The following PTPRD variants were observed in gnomAD, a reference collection of about 807,000 sequenced individuals.
PTPRD encodes the protein receptor-type tyrosine-protein phosphatase delta.
Under a neutral mutation model 214.5 loss-of-function variants are expected in PTPRD, and 34 were observed. That is an observed-to-expected ratio of 0.16 (90% CI 0.12 to 0.21). The LOEUF (loss-of-function observed/expected upper bound fraction) is 0.21, where lower values mean the gene tolerates loss of function less well. PTPRD is among the 10% of genes least tolerant of loss of function. The pLI is 1.00. For synonymous variants in PTPRD, 1,128 were observed against 845.7 expected, an observed-to-expected ratio of 1.33 and a Z score of -5.79; for missense variants, 2,545 against 2,398.7, an observed-to-expected ratio of 1.06 and a Z score of -1.27.
chr9:9,846,599 G>C (rs1323810220), intron 5 of PTPRD, among the ~76,000 whole-genome samples: 1 of 152,126 alleles, frequency 6.6e-6, no homozygotes, highest in Non-Finnish European at 1.5e-5. Context: ...TACCAGACGA[G>C]TTTGCAGCTA....
intron 4 of PTPRD, among the ~76,000 whole-genome samples, chr9:9,965,188 A>C (rs967687867): frequency 1.3e-5 from 2 of 152,184 alleles, no homozygotes; most frequent in African/African-American, 4.8e-5. Context: ...AGTTCTGGGA[A>C]TGCTAGAACC....
chr9:10,510,544 T>C (rs2047642002), intron 2 of PTPRD, among the ~76,000 whole-genome samples: 1 of 152,186 alleles, frequency 6.6e-6, no homozygotes, highest in South Asian at 2.1e-4. Flanking sequence ...CTTTTTTGTT[T>C]GCTTTGCTTT....
At chr9:8,772,817 T>C (rs1324615953) in intron 11 of PTPRD, among the ~76,000 whole-genome samples, 1 of 152,182 alleles carries the variant, frequency 6.6e-6, no homozygotes, top group Non-Finnish European at 1.5e-5. Context: ...CCAGATATTG[T>C]TAATTTTATT....
intron 11 of PTPRD, among the ~76,000 whole-genome samples, chr9:8,804,425 C>T (rs2096633093): frequency 6.7e-6 from 1 of 149,964 alleles, no homozygotes; most frequent in Admixed American, 6.7e-5. Context: ...TAAGAAGACT[C>T]CGTCTCTACA....
intron 3 of PTPRD, among the ~76,000 whole-genome samples, chr9:10,061,575 T>C (rs1222721479): frequency 6.6e-6 from 1 of 152,082 alleles, no homozygotes; most frequent in Non-Finnish European, 1.5e-5. Context: ...GAATCTTATA[T>C]TGTCTTCTAT....
intron 2 of PTPRD, among the ~76,000 whole-genome samples, chr9:10,385,362 T>A (rs1485325034): frequency 1.3e-5 from 2 of 151,806 alleles, no homozygotes; most frequent in African/African-American, 4.8e-5. Flanking sequence ...TCTTGTAGGC[T>A]TTAGCATGTA....
intron 3 of PTPRD, among the ~76,000 whole-genome samples, chr9:10,196,137 A>G (rs1295625571): frequency 2.0e-5 from 3 of 152,182 alleles, no homozygotes; most frequent in Admixed American, 2.0e-4. Flanking sequence ...AAAATCATTG[A>G]ACTTTAATGC....
intron 36 of PTPRD, 80 bp from the exon 37 acceptor site, chr9:8,389,487 C>T (rs2135681242): frequency 9.4e-7 from 1 of 1,069,200 alleles, no homozygotes. Flanking sequence ...AATGGCAGTG[C>T]TATCTTACTG....
At chr9:8,459,215 G>A (rs2096305246) in intron 33 of PTPRD, among the ~76,000 whole-genome samples, 1 of 151,992 alleles carries the variant, frequency 6.6e-6, no homozygotes, top group African/African-American at 2.4e-5. Flanking sequence ...AGAGTGAATG[G>A]AAATGAGATT....
rs938913835 is a variant in PTPRD at position 8,454,362 on chromosome 9, C to T, written c.3876-4525G>A. Among the ~76,000 whole-genome samples the T allele has an allele frequency of 5.3e-5, 8 of 152,166 alleles. No individual in the cohort carries two copies. The South Asian group carries it at 8.3e-4, about 16-fold the overall frequency. On this transcript the variant is annotated intron_variant, in intron 33 of 45. Coordinates refer to ENST00000381196, the MANE Select transcript of PTPRD (RefSeq NM_002839.4). ...GGTTTGTGTACTATCTTTTAAACTT[C>T]GCCTTTAATCTGTTTTTTTCTAATG...
At chr9:8,643,940 T>A (rs1327927675) in intron 12 of PTPRD, among the ~76,000 whole-genome samples, 1 of 152,066 alleles carries the variant, frequency 6.6e-6, no homozygotes, top group Non-Finnish European at 1.5e-5. Flanking sequence ...GAAGTCTGAG[T>A]GCTGGGCTGT....
At chr9:8,995,371 T>A (rs2099392577) in intron 11 of PTPRD, among the ~76,000 whole-genome samples, 1 of 152,090 alleles carries the variant, frequency 6.6e-6, no homozygotes, top group Non-Finnish European at 1.5e-5. Context: ...ATTTTCCTCA[T>A]CCTCCAAGTT....
intron 7 of PTPRD, among the ~76,000 whole-genome samples, chr9:9,678,068 A>G (rs546729801): frequency 6.6e-6 from 1 of 152,256 alleles, no homozygotes; most frequent in African/African-American, 2.4e-5. Flanking sequence ...AAAATAAAAG[A>G]GGATACAAAC....
intron 5 of PTPRD, among the ~76,000 whole-genome samples, chr9:9,878,227 ACATT>A (rs1441882202): frequency 2.0e-5 from 3 of 152,148 alleles, no homozygotes; most frequent in Non-Finnish European, 2.9e-5. Context: ...ACGCAGAAAG[ACATT>A]CATTTAGTCA....
At chr9:10,530,952 C>T (rs2056074491) in intron 2 of PTPRD, among the ~76,000 whole-genome samples, 3 of 150,794 alleles carry the variant, frequency 2.0e-5, no homozygotes, top group South Asian at 4.2e-4. Context: ...AATCAGTAGA[C>T]AATTTTTTTT....
Position 8,319,917 on chromosome 9 carries a change from C to G in PTPRD, c.5584G>C (p.Glu1862Gln), listed in dbSNP as rs372015394. ...ACAACTCCTTCATATCTCATTCTTT[C>G]CAAAACAATGCTTAGCGTTATGAAG... ...GVFITLSIVL[E>Q]RMRYEGVVDI... Residue 1862 changes from glutamate (E) to glutamine (Q), a missense_variant, in exon 45 of 46, where the codon GAA (glutamate) becomes CAA (glutamine). Physicochemically the swap from Glu to Gln is conservative, Grantham distance 29 (BLOSUM62 2). Transcript: ENST00000381196. The G allele has an allele frequency of 1.1e-5, 17 of 1,612,792 alleles. No homozygotes were observed. Among genetic ancestry groups the G allele is most frequent in the Middle Eastern group, 1.6e-4 (1 of 6,070 alleles).
intron 2 of PTPRD, among the ~76,000 whole-genome samples, chr9:10,517,058 TGTAATTCCACAAAA>T (rs2050372133): frequency 6.6e-6 from 1 of 152,026 alleles, no homozygotes; most frequent in Non-Finnish European, 1.5e-5. Context: ...CAGGGTCATT[TGTAATTCCACAAAA>T]AATTTTAGAT....
intron 9 of PTPRD, among the ~76,000 whole-genome samples, chr9:9,276,037 G>A (rs1945505105): frequency 6.6e-6 from 1 of 151,324 alleles, no homozygotes; most frequent in South Asian, 2.1e-4. Flanking sequence ...CATCATCTCA[G>A]CCCTAGAGGG....
chr9:9,727,069 C>T (rs963920401), intron 7 of PTPRD, among the ~76,000 whole-genome samples: 1 of 152,132 alleles, frequency 6.6e-6, no homozygotes, highest in South Asian at 2.1e-4. Flanking sequence ...GGCAAGAAAT[C>T]ATACAGCAAA....
Sources: allele counts gnomAD v4.1 joint callset (sites outside exome capture counted in the v4.1 genomes callset), GRCh38; gene constraint gnomAD v4.1.1; transcripts MANE v1.5; gene names NCBI Gene and HGNC (gene_info 2026-07-23, HGNC 2026-07-21).